The following MSI2 variants were observed in gnomAD, a reference collection of about 807,000 sequenced individuals.
The protein encoded by MSI2 is musashi RNA binding protein 2, also known as RNA-binding protein Musashi homolog 2.
In MSI2, 17 loss-of-function variants were observed where a neutral mutation model predicts 45.6. The observed-to-expected ratio is 0.37, with a 90% CI of 0.26 to 0.56. MSI2 has a LOEUF of 0.56. MSI2 is among the 20% of genes least tolerant of loss of function. The probability of loss-of-function intolerance (pLI) is 0.77; values close to 1 mark genes in which losing one functional copy is unlikely to be tolerated. For missense variants in MSI2, 293 were observed against 444.2 expected (o/e 0.66, Z 3.06); for synonymous variants, 156 against 158.2 (o/e 0.99, Z 0.11).
chr17:57,698,812 C>G, the MSI2 span, among the ~76,000 whole-genome samples: 1 of 151,880 alleles, frequency 6.6e-6, no homozygotes, highest in Non-Finnish European at 1.5e-5. Flanking sequence ...CTCTCCACCC[C>G]TCAGCAGCAT....
chr17:57,347,343 T>C (rs1313837115), intron 5 of MSI2, among the ~76,000 whole-genome samples: 2 of 152,154 alleles, frequency 1.3e-5, no homozygotes, highest in Non-Finnish European at 1.5e-5. Flanking sequence ...TATTCCAAAA[T>C]AGCTCTTTTA....
intron 7 of MSI2, among the ~76,000 whole-genome samples, chr17:57,533,108 C>A (rs1028344063): frequency 6.6e-6 from 1 of 152,298 alleles, no homozygotes; most frequent in Non-Finnish European, 1.5e-5. Flanking sequence ...ACTCCTTGAC[C>A]CCACTGGTCA....
chr17:57,444,426 A>C (rs1314082943), intron 6 of MSI2: 2 of 152,174 alleles, frequency 1.3e-5, no homozygotes, highest in Non-Finnish European at 2.9e-5. Context: ...TGTACTAAAA[A>C]TACAAAAATT....
At chr17:57,480,037 G>A (rs895789081) in intron 6 of MSI2, among the ~76,000 whole-genome samples, 6 of 152,080 alleles carry the variant, frequency 3.9e-5, no homozygotes, top group Non-Finnish European at 8.8e-5. Flanking sequence ...GAGTGCAGTG[G>A]CGCAGTCTCA....
intron 8 of MSI2, among the ~76,000 whole-genome samples, chr17:57,607,939 A>G (rs1264888608): frequency 2.6e-5 from 4 of 152,200 alleles, no homozygotes; most frequent in African/African-American, 9.7e-5. Context: ...CAAACCATTC[A>G]CAAGGGATCC....
chr17:57,677,172 TC>T, intron 13 of MSI2, 113 bp downstream of exon 13: 1 of 748,092 alleles, frequency 1.3e-6, no homozygotes, highest in Non-Finnish European at 2.4e-6. Flanking sequence ...CATCTCTCTC[TC>T]CTCTTTCTGG....
intron 5 of MSI2, among the ~76,000 whole-genome samples, chr17:57,325,597 A>G (rs1913719696): frequency 6.6e-6 from 1 of 152,194 alleles, no homozygotes. Context: ...CCTGGGCACC[A>G]CTGGGTGTGC....
Position 57,675,030 on chromosome 17 carries a change from C to T in MSI2, c.849C>T (p.Ala283=), listed in dbSNP as rs141534185. ...FPGANSPGPV[A]DLYGPASQDS... The stretch of plus-strand genomic sequence containing the variant: ...GGGCCAACAGCCCAGGACCTGTCGC[C>T]GATCTCTACGGCCCTGCCAGCCAGG... Residue 283 remains alanine (A), a synonymous_variant, in exon 12 of 14, where the codon GCC becomes GCT. Transcript: ENST00000284073. The T allele has an allele frequency of 4.0e-5, 64 of 1,613,986 alleles. No homozygotes were observed. The highest frequency in any genetic ancestry group is 2.0e-4 in the Admixed American group (12 of 60,036).
intron 5 of MSI2, among the ~76,000 whole-genome samples, chr17:57,269,694 C>T (rs1432659097): frequency 2.6e-5 from 4 of 152,296 alleles, no homozygotes; most frequent in Admixed American, 6.5e-5. Context: ...AAGCCGTGAT[C>T]GTGACCTCAC....
chr17:57,374,528 G>C (rs1388635188), intron 5 of MSI2, among the ~76,000 whole-genome samples: 1 of 152,176 alleles, frequency 6.6e-6, no homozygotes, highest in Non-Finnish European at 1.5e-5. Flanking sequence ...TGTAATCCCA[G>C]CACTTTGGGA....
At chr17:57,664,114 A>C (rs1912204784) in intron 11 of MSI2, among the ~76,000 whole-genome samples, 1 of 152,220 alleles carries the variant, frequency 6.6e-6, no homozygotes, top group Admixed American at 6.5e-5. Context: ...TTCAGACTAA[A>C]GGGTCCTTGG....
At chr17:57,598,507 G>C (rs935936862) in intron 8 of MSI2, among the ~76,000 whole-genome samples, 12 of 152,038 alleles carry the variant, frequency 7.9e-5, no homozygotes, top group African/African-American at 2.9e-4. Context: ...CTTTTTTTGC[G>C]TACTGTATGT....
At chr17:57,487,397 G>T (rs1222716933) in intron 6 of MSI2, among the ~76,000 whole-genome samples, 1 of 152,184 alleles carries the variant, frequency 6.6e-6, no homozygotes, top group African/African-American at 2.4e-5. Context: ...CCAGTTATCA[G>T]TCTTTCTATT....
At chr17:57,346,850 G>T (rs1422886300) in intron 5 of MSI2, among the ~76,000 whole-genome samples, 2 of 152,072 alleles carry the variant, frequency 1.3e-5, no homozygotes, top group Admixed American at 6.6e-5. Flanking sequence ...CAAGCAATCT[G>T]CCTGTCCCGG....
intron 5 of MSI2, among the ~76,000 whole-genome samples, chr17:57,300,774 CA>C (rs1307306593): frequency 6.6e-6 from 1 of 152,180 alleles, no homozygotes; most frequent in Admixed American, 6.5e-5. Context: ...GAATGCAAGT[CA>C]AGCAAAAGGG....
intron 6 of MSI2, among the ~76,000 whole-genome samples, chr17:57,473,139 C>A (rs758163226): frequency 1.3e-5 from 2 of 152,196 alleles, no homozygotes; most frequent in Admixed American, 1.3e-4. Flanking sequence ...GTGATCTGCC[C>A]GCCTCAGCCT....
intron 5 of MSI2, among the ~76,000 whole-genome samples, chr17:57,384,505 C>A (rs890704143): frequency 6.6e-6 from 1 of 152,140 alleles, no homozygotes; most frequent in Non-Finnish European, 1.5e-5. Flanking sequence ...GCTGCAGCAC[C>A]TTTTTATGAC....
intron 8 of MSI2, among the ~76,000 whole-genome samples, chr17:57,602,634 C>T (rs1240080857): frequency 6.6e-6 from 1 of 152,166 alleles, no homozygotes; most frequent in Non-Finnish European, 1.5e-5. Context: ...GGATTACAGG[C>T]ATCAGCCACT....
intron 5 of MSI2, chr17:57,279,348 G>C (rs891369093): frequency 6.6e-6 from 1 of 152,614 alleles, no homozygotes; most frequent in Non-Finnish European, 1.5e-5. Flanking sequence ...GGGCTTGTGA[G>C]CTGAATCTTG....
Sources: allele counts gnomAD v4.1 joint callset (sites outside exome capture counted in the v4.1 genomes callset), GRCh38; gene constraint gnomAD v4.1.1; transcripts MANE v1.5; gene names NCBI Gene and HGNC (gene_info 2026-07-23, HGNC 2026-07-21).